MYOF: variants seen among roughly 807,000 people sequenced by gnomAD.
The protein encoded by MYOF is myoferlin, also known as fer-1-like 3, myoferlin.
MYOF carries 244 observed loss-of-function variants against 284.2 expected under a neutral mutation model. The observed-to-expected ratio is 0.86, with a 90% CI of 0.77 to 0.95. The LOEUF (loss-of-function observed/expected upper bound fraction) is 0.95. Ranked by LOEUF, MYOF falls within the 40% of genes least tolerant of loss-of-function variation. The pLI is 0.00. For synonymous variants in MYOF, 904 were observed against 919.7 expected, an observed-to-expected ratio of 0.98 and a Z score of 0.31; for missense variants, 2,496 against 2,560.6, an observed-to-expected ratio of 0.97 and a Z score of 0.54.
At chr10:93,394,031 A>G (rs1165556732) in intron 16 of MYOF, among the ~76,000 whole-genome samples, 1 of 152,232 alleles carries the variant, frequency 6.6e-6, no homozygotes, top group Non-Finnish European at 1.5e-5. Flanking sequence ...GAGAACATTC[A>G]GATGGAATCT....
At position 93,332,229 on chromosome 10, in the gene MYOF, T is replaced by TTA. The variant is rs574144671; in HGVS notation, c.4811+991_4811+992insTA. On this transcript the variant is annotated intron_variant, in intron 43 of 53. Coordinates refer to ENST00000359263, the MANE Select transcript of MYOF (RefSeq NM_013451.4). ...GAGTTCAAATCCTCATTCTTTTATT[T>TTA]TTTTTTTTTGGGAGACGGAGTCTTG... is the stretch of plus-strand genomic sequence containing the variant. Among the ~76,000 whole-genome samples, 648 of 151,340 alleles carry TTA rather than the reference T, an allele frequency of 4.3e-3. 13 individuals carry two copies. Among genetic ancestry groups the TTA allele is most frequent in the African/African-American group, 0.015 (619 of 41,274 alleles).
intron 5 of MYOF, among the ~76,000 whole-genome samples, chr10:93,425,045 TCTC>T (rs1473834956): frequency 6.9e-6 from 1 of 143,982 alleles, no homozygotes; most frequent in African/African-American, 2.5e-5. Flanking sequence ...TTCAAGCAAT[TCTC>T]CTGTCTCAGC....
chr10:93,481,972 T>C (rs1187124832), intron 1 of MYOF, 135 bp downstream of exon 1: 8 of 795,784 alleles, frequency 1.0e-5, no homozygotes, highest in Non-Finnish European at 1.7e-5. Context: ...CTCTCCCCTG[T>C]CCTGCGCAGG....
intron 35 of MYOF, among the ~76,000 whole-genome samples, chr10:93,350,796 G>A (rs935846380): frequency 2.6e-5 from 4 of 152,114 alleles, no homozygotes; most frequent in African/African-American, 9.7e-5. Context: ...CCTTGTTGGG[G>A]TCATCAGCTT....
chr10:93,334,580 G>C (rs903176072), intron 41 of MYOF, among the ~76,000 whole-genome samples: 4 of 152,176 alleles, frequency 2.6e-5, no homozygotes, highest in African/African-American at 2.4e-5. Context: ...CACAGGACTA[G>C]GCATATAGTA....
rs574618027 is a variant in MYOF, at chr10:93,367,505, G to A, written c.2590-950C>T. ...CAGATACTGGCTGTCAGCCTGGAGG[G>A]GAGATGAGCTTCAGGCAGAAACTAA... On this transcript the variant is annotated intron_variant, in intron 25 of 53. Transcript: ENST00000359263. 3.3e-5 allele frequency among the ~76,000 whole-genome samples: 5 copies of A among 152,322 alleles called. No homozygotes were observed. In the East Asian group the frequency reaches 5.8e-4, roughly 18 times the overall value.
At chr10:93,356,953 A>G (rs1844835124) in intron 29 of MYOF, 105 bp from the exon 30 acceptor site, 1 of 1,179,744 alleles carries the variant, frequency 8.5e-7, no homozygotes, top group Non-Finnish European at 1.2e-6. Context: ...AGTATTCAAA[A>G]TCTACTCTGT....
Position 93,319,983 on chromosome 10 carries a change from CTGTT to C in MYOF, c.5483_5486del (p.Lys1828ArgfsTer55). 1 of 1,614,170 alleles carries C rather than the reference CTGTT, an allele frequency of 6.2e-7. No homozygotes were observed. Among genetic ancestry groups the C allele is most frequent in the Non-Finnish European group, 8.5e-7 (1 of 1,179,998 alleles). On this transcript the variant is annotated frameshift_variant, in exon 49 of 54. Coordinates refer to ENST00000359263, the MANE Select transcript of MYOF (RefSeq NM_013451.4). LOFTEE classifies it high-confidence loss of function. ...AAGATCTGTAATGGACATCTGTTTT[CTGTT>C]TGTTTTCTTCATTGCCAGGAATCCA...
chr10:93,336,785 GA>G (rs1227121452), intron 40 of MYOF, among the ~76,000 whole-genome samples: 1 of 150,632 alleles, frequency 6.6e-6, no homozygotes, highest in Non-Finnish European at 1.5e-5. Context: ...GAAGGCAGGA[GA>G]AAAGGAAGAA....
At chr10:93,402,965 A>G in intron 9 of MYOF, 75 bp from the exon 10 acceptor site, 6 of 1,248,392 alleles carry the variant, frequency 4.8e-6, no homozygotes, top group Non-Finnish European at 7.0e-6. Context: ...AGCCATCATT[A>G]TATTTAAATA....
chr10:93,475,063 T>A (rs1160674995), intron 1 of MYOF, among the ~76,000 whole-genome samples: 6 of 152,182 alleles, frequency 3.9e-5, no homozygotes, highest in African/African-American at 1.4e-4. Context: ...AGCTGCAGAT[T>A]GTATTTGCTC....
chr10:93,332,186 A>T (rs928982055), intron 43 of MYOF, among the ~76,000 whole-genome samples: 6 of 151,426 alleles, frequency 4.0e-5, no homozygotes, highest in African/African-American at 1.2e-4. Context: ...CCACACAGAC[A>T]CTGGGGTCAG....
intron 3 of MYOF, among the ~76,000 whole-genome samples, chr10:93,449,004 G>A (rs1444163608): frequency 6.6e-6 from 1 of 151,894 alleles, no homozygotes; most frequent in Non-Finnish European, 1.5e-5. Context: ...CAAAAAAAAA[G>A]CAAGAGGGAT....
At chr10:93,404,297 G>A in intron 7 of MYOF, 78 bp from the exon 8 acceptor site, 1 of 1,472,966 alleles carries the variant, frequency 6.8e-7, no homozygotes, top group East Asian at 2.4e-5. Context: ...TAATTTTGGG[G>A]GCCCTCCTAA....
At chr10:93,319,420 C>T (rs752310334) in intron 49 of MYOF, among the ~76,000 whole-genome samples, 13 of 152,056 alleles carry the variant, frequency 8.5e-5, no homozygotes, top group South Asian at 2.1e-4. Flanking sequence ...TAGTTAAGAC[C>T]AGGAGGGCCC....
chr10:93,309,118 C>A (rs759333294), intron 53 of MYOF, among the ~76,000 whole-genome samples: 1 of 152,156 alleles, frequency 6.6e-6, no homozygotes, highest in Non-Finnish European at 1.5e-5. Context: ...CCTGGACTAT[C>A]CCTTCTCCAC....
chr10:93,401,217 T>G (rs1847277431), intron 12 of MYOF, among the ~76,000 whole-genome samples: 1 of 152,194 alleles, frequency 6.6e-6, no homozygotes, highest in Admixed American at 6.5e-5. Context: ...ACAAGGAACA[T>G]GATCAGCAAC....
chr10:93,373,517 A>G (rs1845687953), intron 23 of MYOF, among the ~76,000 whole-genome samples: 2 of 133,806 alleles, frequency 1.5e-5, no homozygotes, highest in Non-Finnish European at 3.1e-5. Context: ...GTTTTCAAAA[A>G]CCTCTTTTTT....
chr10:93,471,626 C>T (rs1334915726), intron 1 of MYOF, among the ~76,000 whole-genome samples: 2 of 152,316 alleles, frequency 1.3e-5, no homozygotes, highest in Non-Finnish European at 2.9e-5. Flanking sequence ...TGGTGCCTCA[C>T]GCCTGTAATC....
Sources: allele counts gnomAD v4.1 joint callset (sites outside exome capture counted in the v4.1 genomes callset), GRCh38; gene constraint gnomAD v4.1.1; transcripts MANE v1.5; gene names NCBI Gene and HGNC (gene_info 2026-07-23, HGNC 2026-07-21).